Variants in PCDHGA3 observed in about 807,000 individuals in gnomAD.
PCDHGA3 encodes the protein protocadherin gamma-A3.
In PCDHGA3, 40 loss-of-function variants were observed where a neutral mutation model predicts 58.5. The observed-to-expected ratio is 0.68, with a 90% CI of 0.53 to 0.89. The LOEUF (loss-of-function observed/expected upper bound fraction) is 0.89. Ranked by LOEUF, PCDHGA3 falls within the 40% of genes least tolerant of loss-of-function variation. The probability of loss-of-function intolerance (pLI) is 0.00; values close to 1 mark genes in which losing one functional copy is unlikely to be tolerated. For missense variants in PCDHGA3, 1,223 were observed against 1,195.9 expected (o/e 1.02, Z -0.33); for synonymous variants, 530 against 525.7 (o/e 1.01, Z -0.11).
chr5:141,382,422 C>A (rs1778191772), intron 1 of PCDHGA3, among the ~76,000 whole-genome samples: 1 of 152,092 alleles, frequency 6.6e-6, no homozygotes, highest in Admixed American at 6.5e-5. Context: ...AGTCAGTGCC[C>A]AAAAGAGTCA....
At chr5:141,475,902 C>T (rs1296545944) in intron 1 of PCDHGA3, 1 of 576,594 alleles carries the variant, frequency 1.7e-6, no homozygotes, top group Non-Finnish European at 3.0e-6. Context: ...GTGCCGCTGT[C>T]GGCCAATGAA....
At chr5:141,421,281 C>T in intron 1 of PCDHGA3, 2 of 1,612,970 alleles carry the variant, frequency 1.2e-6, no homozygotes, top group South Asian at 2.2e-5. Flanking sequence ...TGCTGCTGTG[C>T]ATTTTCCTGG....
chr5:141,400,054 C>T, intron 1 of PCDHGA3: 2 of 1,613,622 alleles, frequency 1.2e-6, no homozygotes, highest in Non-Finnish European at 1.7e-6. Flanking sequence ...GGTTGCTGTG[C>T]GTGATGGTGG....
rs779535322 is a variant in PCDHGA3 at position 141,398,516 on chromosome 5, C to A, written c.2424+52059C>A. ...GAGATCGAGGACATTAATGACCACACGCCAAAATTCACGCAAAATTCCTTT... is the reference window on the plus strand; with the variant it reads ...GAGATCGAGGACATTAATGACCACAAGCCAAAATTCACGCAAAATTCCTTT... On this transcript the variant is annotated intron_variant, in intron 1 of 3. Coordinates refer to ENST00000253812, the MANE Select transcript of PCDHGA3 (RefSeq NM_018916.4). The A allele has an allele frequency of 1.9e-6, 3 of 1,598,584 alleles. No individual in the cohort carries two copies. The South Asian group carries it at 3.3e-5, about 18-fold the overall frequency.
At position 141,477,213 on chromosome 5, in the gene PCDHGA3, C is replaced by G; in HGVS notation, c.2425-17594C>G. ...TACAGCCCAGTACCCGAGGATGCCC[C>G]TCTGGGGACTGTCATCGCTTTGCTC... is the stretch of plus-strand genomic sequence containing the variant. On this transcript the variant is annotated intron_variant, in intron 1 of 3. Coordinates refer to ENST00000253812, the MANE Select transcript of PCDHGA3 (RefSeq NM_018916.4). The surrounding 1 kb of genome is among the most constrained non-coding windows in gnomAD (Gnocchi z 4.9). 6.2e-7 allele frequency: 1 copy of G among 1,614,184 alleles called. No individual in the cohort carries two copies.
intron 1 of PCDHGA3, among the ~76,000 whole-genome samples, chr5:141,469,206 A>T (rs752389937): frequency 6.6e-6 from 1 of 150,920 alleles, no homozygotes; most frequent in African/African-American, 2.4e-5. Flanking sequence ...AGCCTTTTGA[A>T]GTTGAGGCTT....
intron 1 of PCDHGA3, chr5:141,383,523 C>A (rs1337208290): frequency 1.2e-6 from 2 of 1,612,324 alleles, no homozygotes; most frequent in African/African-American, 2.7e-5. Flanking sequence ...AGCGGGTTCA[C>A]CACCTGGTCC....
intron 1 of PCDHGA3, chr5:141,396,761 A>G (rs2093430785): frequency 6.6e-6 from 1 of 152,352 alleles, no homozygotes; most frequent in African/African-American, 2.4e-5. Context: ...GACCCAATAA[A>G]TGTTTGTTAT....
chr5:141,485,867 G>A lies in PCDHGA3; in HGVS notation c.2425-8940G>A. On this transcript the variant is annotated intron_variant, in intron 1 of 3. Coordinates refer to ENST00000253812, the MANE Select transcript of PCDHGA3 (RefSeq NM_018916.4). The surrounding 1 kb of genome is among the most constrained non-coding windows in gnomAD (Gnocchi z 5.7). ...TGGCACCGCAGAGCTCCGGGTATCC[G>A]TGCTGGACGTAAACGACAACGCCCC... The A allele has an allele frequency of 1.9e-6, 3 of 1,614,164 alleles. No homozygotes were observed. Among genetic ancestry groups the A allele is most frequent in the Non-Finnish European group, 8.5e-7 (1 of 1,180,040 alleles).
chr5:141,497,832 G>C (rs1326640712), intron 2 of PCDHGA3, among the ~76,000 whole-genome samples: 1 of 151,992 alleles, frequency 6.6e-6, no homozygotes, highest in East Asian at 1.9e-4. Context: ...GATCGCCCCC[G>C]GCCACAACAA....
rs1399194507 is a variant in PCDHGA3 at position 141,345,696 on chromosome 5, C to A, written c.1663C>A (p.Gln555Lys). 1.9e-6 allele frequency: 3 copies of A among 1,614,108 alleles called. No homozygotes were observed. The change falls in exon 1 of 4, where the codon CAG (glutamine) becomes AAG (lysine). Residue 555 changes from glutamine (Q) to lysine (K), a missense_variant. Gln to Lys is a moderately conservative substitution (Grantham distance 53, BLOSUM62 1). This residue lies in a region of PCDHGA3 where 791 missense variants were observed against 708.5 expected (regional missense o/e 1.12). Coordinates refer to ENST00000253812, the MANE Select transcript of PCDHGA3 (RefSeq NM_018916.4). ...GTCGCTGAACCTGTTCGTGCTGGAC[C>A]AGAACGACAACGCGCCCGAGATCCT... is the stretch of plus-strand genomic sequence containing the variant. ...NVSLNLFVLD[Q>K]NDNAPEILYP...
At chr5:141,385,408 A>G in intron 1 of PCDHGA3, 1 of 1,478,414 alleles carries the variant, frequency 6.8e-7, no homozygotes, top group Middle Eastern at 1.8e-4. Flanking sequence ...TGTTTTGAAA[A>G]TAGGGATTTA....
chr5:141,486,505 T>C lies in PCDHGA3; in HGVS notation c.2425-8302T>C. The C allele has an allele frequency of 6.2e-7, 1 of 1,614,156 alleles. No individual in the cohort carries two copies. ...GTACCCACAGAACTATTTTCCTCAA[T>C]ATTTCAGATGTGAATGATAATCCAC... is the stretch of plus-strand genomic sequence containing the variant. On this transcript the variant is annotated intron_variant, in intron 1 of 3. Coordinates refer to ENST00000253812, the MANE Select transcript of PCDHGA3 (RefSeq NM_018916.4). The surrounding 1 kb of genome is among the most constrained non-coding windows in gnomAD (Gnocchi z 5.0).
chr5:141,375,719 G>A (rs1478749716), intron 1 of PCDHGA3: 2 of 1,614,142 alleles, frequency 1.2e-6, no homozygotes, highest in South Asian at 2.2e-5. Flanking sequence ...TAGCAGCAAC[G>A]TGTCACTGAG....
At chr5:141,447,023 G>GTT (rs5871773) in intron 1 of PCDHGA3, among the ~76,000 whole-genome samples, 2,010 of 151,524 alleles carry the variant, frequency 0.013, 40 homozygotes, top group African/African-American at 0.047. Context: ...GTTTTGTTTT[G>GTT]TTTTTTTTCT....
intron 1 of PCDHGA3, among the ~76,000 whole-genome samples, chr5:141,443,781 C>CA (rs1227271563): frequency 8.6e-5 from 13 of 150,636 alleles, no homozygotes; most frequent in South Asian, 2.1e-4. Flanking sequence ...ACCAAAAAGA[C>CA]AAAAAAAATG....
Position 141,486,427 on chromosome 5 carries a change from A to G in PCDHGA3, c.2425-8380A>G. On this transcript the variant is annotated intron_variant, in intron 1 of 3. Transcript: ENST00000253812. This position sits in a 1 kb window ranked among gnomAD's most constrained non-coding sequence, Gnocchi z 5.0. ...CTGGACCCTTGGATCGAGAGGCCAA[A>G]TCTAGCTATGACATCATGGTCACTG... The G allele has an allele frequency of 6.2e-7, 1 of 1,614,160 alleles. No homozygotes were observed. Among genetic ancestry groups the G allele is most frequent in the Non-Finnish European group, 8.5e-7 (1 of 1,180,016 alleles).
chr5:141,381,355 C>T (rs1431564536), intron 1 of PCDHGA3, among the ~76,000 whole-genome samples: 1 of 152,222 alleles, frequency 6.6e-6, no homozygotes, highest in Admixed American at 6.5e-5. Context: ...TTTCTGCTAG[C>T]AGAGGGTAGC....
intron 1 of PCDHGA3, chr5:141,370,260 C>T (rs2149959480): frequency 1.4e-6 from 1 of 735,774 alleles, no homozygotes; most frequent in Non-Finnish European, 2.1e-6. Context: ...TATCAGGCTT[C>T]CTGCAGCGGA....
Sources: allele counts gnomAD v4.1 joint callset (sites outside exome capture counted in the v4.1 genomes callset), GRCh38; gene constraint gnomAD v4.1.1; regional missense constraint gnomAD v4.1.1; non-coding constraint Gnocchi (gnomAD v3.1); transcripts MANE v1.5; gene names NCBI Gene and HGNC (gene_info 2026-07-23, HGNC 2026-07-21).